MAST4: variants seen among roughly 807,000 people sequenced by gnomAD.
The protein encoded by MAST4 is microtubule-associated serine/threonine-protein kinase 4.
A neutral mutation model predicts 162.7 loss-of-function variants in MAST4; 89 were observed. The observed-to-expected ratio is 0.55, with a 90% confidence interval of 0.46 to 0.65. The LOEUF (loss-of-function observed/expected upper bound fraction) is 0.65, where lower values mean the gene tolerates loss of function less well. MAST4 is among the 30% of genes least tolerant of loss of function. The probability of loss-of-function intolerance (pLI) is 0.00; values close to 1 mark genes in which losing one functional copy is unlikely to be tolerated. For missense variants in MAST4, 3,153 were observed against 3,374.0 expected (o/e 0.93, Z 1.62); for synonymous variants, 1,479 against 1,361.1 (o/e 1.09, Z -1.91).
rs185364251 is a variant in MAST4 at position 66,785,191 on chromosome 5, A to G, written c.518-3479A>G. Reference sequence around the variant, plus strand: ...GGTTGCAGTGAGCTGAGATTGCGCCATTGTACTCCAGCCTGAGTGACAGAG... The same window carrying G: ...GGTTGCAGTGAGCTGAGATTGCGCCGTTGTACTCCAGCCTGAGTGACAGAG... On this transcript the variant is annotated intron_variant, in intron 2 of 28. Coordinates refer to ENST00000403625, the MANE Select transcript of MAST4 (RefSeq NM_001164664.2). Among the ~76,000 whole-genome samples the G allele has an allele frequency of 8.2e-4, 125 of 152,332 alleles. 1 individual carries two copies. The highest frequency in any genetic ancestry group is 2.8e-3 in the African/African-American group (117 of 41,580).
chr5:66,727,677 T>C (rs1427130897), intron 1 of MAST4, among the ~76,000 whole-genome samples: 1 of 152,192 alleles, frequency 6.6e-6, no homozygotes, highest in Non-Finnish European at 1.5e-5. Flanking sequence ...ATGTCATTTA[T>C]GTGGCTTTTT....
At chr5:67,118,866 G>T (rs1210880808) in intron 13 of MAST4, 117 bp downstream of exon 13, 3 of 644,590 alleles carry the variant, frequency 4.7e-6, no homozygotes, top group East Asian at 5.5e-5. Flanking sequence ...GTGAATATAT[G>T]AATAAGAATA....
chr5:67,103,178 T>A (rs932757050), intron 9 of MAST4, among the ~76,000 whole-genome samples: 1 of 152,224 alleles, frequency 6.6e-6, no homozygotes, highest in African/African-American at 2.4e-5. Flanking sequence ...GAAGGGCTGC[T>A]GCCAAGCCCC....
At chr5:66,754,707 A>C (rs868018405) in intron 1 of MAST4, among the ~76,000 whole-genome samples, 6 of 152,176 alleles carry the variant, frequency 3.9e-5, no homozygotes, top group African/African-American at 1.4e-4. Context: ...TAATTTTAGC[A>C]GGGGGAGAAG....
chr5:67,142,729 T>C (rs1405169099), intron 21 of MAST4, 196 bp downstream of exon 21: 5 of 466,814 alleles, frequency 1.1e-5, no homozygotes, highest in Non-Finnish European at 1.9e-5. Flanking sequence ...TAGACTGCCA[T>C]TTTACCTTCT....
chr5:66,837,892 ATATTTTTTTTT>A (rs1017258324), intron 3 of MAST4, among the ~76,000 whole-genome samples: 5 of 35,026 alleles, frequency 1.4e-4, no homozygotes, highest in African/African-American at 8.2e-4. Context: ...ATATATATAT[ATATTTTTTTTT>A]TTTTTTTTTT....
chr5:67,120,284 G>T (rs941106906), intron 13 of MAST4, among the ~76,000 whole-genome samples: 3 of 152,198 alleles, frequency 2.0e-5, no homozygotes, highest in African/African-American at 7.2e-5. Context: ...AGTGATGACA[G>T]CCCTGAGTTG....
chr5:66,767,170 CGTGTGTGTGTGTGTGTGTGT>C lies in MAST4; in HGVS notation c.517+7336_517+7355del, dbSNP rs60766673. ...TGGTCACAGATGAATGTAAAGTGCA[CGTGTGTGTGTGTGTGTGTGT>C]GTGTGTGTGTGTGTGTGTGTGTGTG... On this transcript the variant is annotated intron_variant, in intron 2 of 28. Coordinates refer to ENST00000403625, the MANE Select transcript of MAST4 (RefSeq NM_001164664.2). Among the ~76,000 whole-genome samples, 85 of 139,562 alleles carry C rather than the reference CGTGTGTGTGTGTGTGTGTGT, an allele frequency of 6.1e-4. No homozygotes were observed. In the East Asian group the frequency reaches 0.015, roughly 25 times the overall value. The allele number at this position is 139,562 out of a possible 152,430, so 91.6% of individuals were successfully genotyped here. A position where few individuals can be genotyped will look rare whatever the true frequency, so the allele number is the denominator to read the frequency against.
intron 1 of MAST4, among the ~76,000 whole-genome samples, chr5:66,617,613 A>C (rs1486312825): frequency 1.3e-5 from 2 of 152,194 alleles, no homozygotes; most frequent in Non-Finnish European, 1.5e-5. Flanking sequence ...ATTGTGAGTG[A>C]AAATGAAACA....
Position 67,164,678 on chromosome 5 carries a change from T to A in MAST4, c.5499T>A (p.Gly1833=). 1 of 1,613,884 alleles carries A rather than the reference T, an allele frequency of 6.2e-7. No homozygotes were observed. Among genetic ancestry groups the A allele is most frequent in the Non-Finnish European group, 8.5e-7 (1 of 1,179,864 alleles). ...CTGCACAGAGCCCCAGCCCAAGTGG[T>A]GACGTGAGGGCCTCTGTGCCACCAG... ...PESAQSPSPS[G]DVRASVPPVL... The change falls in exon 29 of 29, where the codon GGT becomes GGA. Residue 1833 remains glycine, a synonymous_variant. Coordinates refer to ENST00000403625, the MANE Select transcript of MAST4 (RefSeq NM_001164664.2). The surrounding 1 kb of genome is among the most constrained non-coding windows in gnomAD (Gnocchi z 5.3).
chr5:66,910,459 G>C (rs1763667607), intron 4 of MAST4, among the ~76,000 whole-genome samples: 1 of 152,118 alleles, frequency 6.6e-6, no homozygotes, highest in Non-Finnish European at 1.5e-5. Context: ...GTTGGGCCCT[G>C]GTAGCTCTAA....
chr5:66,976,608 A>G (rs924715399), intron 4 of MAST4, among the ~76,000 whole-genome samples: 1 of 152,228 alleles, frequency 6.6e-6, no homozygotes, highest in African/African-American at 2.4e-5. Context: ...CAATGTGTTT[A>G]ATGCACAGGT....
chr5:66,774,352 C>T (rs921529699), intron 2 of MAST4, among the ~76,000 whole-genome samples: 9 of 152,130 alleles, frequency 5.9e-5, no homozygotes, highest in African/African-American at 1.7e-4. Context: ...GTGGCGTATA[C>T]GTAAATAACA....
In MAST4 at chr5:67,150,992, C is replaced by G. The variant is rs535479582; in HGVS notation, c.3295+1403C>G. Among the ~76,000 whole-genome samples, 71 of 152,272 alleles carry G rather than the reference C, an allele frequency of 4.7e-4. 1 individual carries two copies. The highest frequency in any genetic ancestry group is 8.2e-4 in the Non-Finnish European group (56 of 68,018). On this transcript the variant is annotated intron_variant, in intron 24 of 28. Coordinates refer to ENST00000403625, the MANE Select transcript of MAST4 (RefSeq NM_001164664.2). ...GGTAGCCACAATGGAACTCACCACA[C>G]CCTGGTGAGCCTTCAGTAGCACTGG... is the stretch of plus-strand genomic sequence containing the variant.
intron 3 of MAST4, among the ~76,000 whole-genome samples, chr5:66,807,325 T>C (rs1315180687): frequency 1.3e-5 from 2 of 151,958 alleles, no homozygotes; most frequent in African/African-American, 4.8e-5. Flanking sequence ...TGAAACCCCG[T>C]CTCTACTAAA....
intron 3 of MAST4, among the ~76,000 whole-genome samples, chr5:66,856,121 C>T (rs1759664838): frequency 6.6e-6 from 1 of 152,214 alleles, no homozygotes. Context: ...GATTGCACCA[C>T]TGCACTCCAG....
chr5:66,613,957 G>A (rs1332679634), intron 1 of MAST4, among the ~76,000 whole-genome samples: 4 of 152,218 alleles, frequency 2.6e-5, no homozygotes, highest in Admixed American at 6.5e-5. Context: ...CTGTGGCAGC[G>A]TGGCTGCTCC....
At chr5:66,610,631 C>G (rs1743228440) in intron 1 of MAST4, among the ~76,000 whole-genome samples, 2 of 152,208 alleles carry the variant, frequency 1.3e-5, no homozygotes, top group Admixed American at 1.3e-4. Context: ...GAAGGCAGGT[C>G]TGTCTTCGCT....
chr5:66,787,621 G>A lies in MAST4; in HGVS notation c.518-1049G>A, dbSNP rs372649260. On this transcript the variant is annotated intron_variant, in intron 2 of 28. Coordinates refer to ENST00000403625, the MANE Select transcript of MAST4 (RefSeq NM_001164664.2). ...CCTGAGGGAAAAGCGAGGAACAGAT[G>A]TTACCTGTGCTGCAGGGCCACCAGC... is the stretch of plus-strand genomic sequence containing the variant. Among the ~76,000 whole-genome samples, 181 of 152,326 alleles carry A rather than the reference G, an allele frequency of 1.2e-3. 3 individuals are homozygous for A. In the South Asian group the frequency reaches 0.03, roughly 25 times the overall value.
Sources: gnomAD v4.1 joint callset for allele counts (sites outside exome capture counted in the v4.1 genomes callset) on GRCh38, gnomAD v4.1.1 for gene constraint, Gnocchi (gnomAD v3.1) non-coding constraint, MANE v1.5 for transcripts, NCBI Gene and HGNC (gene_info 2026-07-23, HGNC 2026-07-21) for gene names.